CFTR: variants seen among roughly 807,000 people sequenced by gnomAD.
The protein encoded by CFTR is CF transmembrane conductance regulator, also known as cystic fibrosis transmembrane conductance regulator.
A neutral mutation model predicts 171.6 loss-of-function variants in CFTR; 181 were observed. That is an observed-to-expected ratio of 1.05 (90% CI 0.93 to 1.19). The LOEUF (loss-of-function observed/expected upper bound fraction) is 1.19. CFTR is among the 50% of genes most tolerant of loss of function. The pLI, the probability that CFTR is intolerant of heterozygous loss-of-function variation, is 0.00. For synonymous variants in CFTR, 583 were observed against 608.0 expected (o/e 0.96, Z 0.60); for missense variants, 1,968 against 1,734.7 (o/e 1.13, Z -2.39).
At chr7:117,585,359 T>C (rs1210907677) in intron 11 of CFTR, among the ~76,000 whole-genome samples, 1 of 152,138 alleles carries the variant, frequency 6.6e-6, no homozygotes, top group Non-Finnish European at 1.5e-5. Flanking sequence ...TTTTCTATAG[T>C]CAACTGTGTT....
intron 3 of CFTR, among the ~76,000 whole-genome samples, chr7:117,518,428 G>C (rs1798632311): frequency 6.9e-6 from 1 of 144,170 alleles, no homozygotes; most frequent in Admixed American, 7.0e-5. Context: ...ATATATAATA[G>C]GCTATATTAT....
Position 117,607,706 on chromosome 7 carries a change from CAT to C in CFTR, c.2988+955_2988+956del, listed in dbSNP as rs1300789640. On this transcript the variant is annotated intron_variant, in intron 18 of 26. Transcript: ENST00000003084. The stretch of plus-strand genomic sequence containing the variant: ...ATATAAAACAAAAGAAGGATTATCA[CAT>C]AAGTATGTATATATAACCAACATTG... 1.1e-4 allele frequency among the ~76,000 whole-genome samples: 17 copies of C among 152,298 alleles called. 1 individual carries two copies. Among genetic ancestry groups the C allele is most frequent in the Admixed American group, 9.8e-4 (15 of 15,292 alleles).
At chr7:117,519,754 A>ACC (rs1277514638) in intron 3 of CFTR, among the ~76,000 whole-genome samples, 1 of 151,914 alleles carries the variant, frequency 6.6e-6, no homozygotes, top group Non-Finnish European at 1.5e-5. Context: ...ATGTTTTTCT[A>ACC]CCTAGTTACT....
At chr7:117,605,485 T>G (rs1792287331) in intron 17 of CFTR, among the ~76,000 whole-genome samples, 1 of 152,186 alleles carries the variant, frequency 6.6e-6, no homozygotes, top group Non-Finnish European at 1.5e-5. Flanking sequence ...AAAAGAGTTA[T>G]GATATGTTTA....
chr7:117,666,300 T>C (rs1793375939), intron 26 of CFTR, among the ~76,000 whole-genome samples: 1 of 152,212 alleles, frequency 6.6e-6, no homozygotes. Context: ...TCACGTCATT[T>C]CTGTTCAGGC....
intron 1 of CFTR, among the ~76,000 whole-genome samples, chr7:117,488,908 A>C (rs1049444101): frequency 1.8e-4 from 28 of 152,114 alleles, no homozygotes; most frequent in Non-Finnish European, 1.5e-4. Context: ...AATAAGTTGT[A>C]ATATGGGAAC....
intron 22 of CFTR, among the ~76,000 whole-genome samples, chr7:117,637,085 G>C (rs1185863451): frequency 6.6e-6 from 1 of 152,086 alleles, no homozygotes; most frequent in Non-Finnish European, 1.5e-5. Context: ...CCAAATTGCT[G>C]GGATTATAGG....
At chr7:117,658,014 TC>T (rs1193233765) in intron 24 of CFTR, among the ~76,000 whole-genome samples, 1 of 152,188 alleles carries the variant, frequency 6.6e-6, no homozygotes, top group Admixed American at 6.6e-5. Context: ...TTTCCTTATT[TC>T]CTGGGTCCAC....
intron 11 of CFTR, among the ~76,000 whole-genome samples, chr7:117,576,966 T>G (rs1791778713): frequency 6.6e-6 from 1 of 152,150 alleles, no homozygotes; most frequent in South Asian, 2.1e-4. Flanking sequence ...CCCTTGCCTT[T>G]GAGAAGCTCA....
chr7:117,609,402 A>G lies in CFTR; in HGVS notation c.2989-1117A>G, dbSNP rs1052103215. On this transcript the variant is annotated intron_variant, in intron 18 of 26. Transcript: ENST00000003084. ...ATGTGTCACTTATGGTAACGGGTAGAGAACTGGCTCACTGAACAGCATATG... is the reference window on the plus strand; with the variant it reads ...ATGTGTCACTTATGGTAACGGGTAGGGAACTGGCTCACTGAACAGCATATG... 2.0e-5 allele frequency among the ~76,000 whole-genome samples: 3 copies of G among 152,308 alleles called. No individual in the cohort carries two copies. In the Middle Eastern group the frequency reaches 0.01, roughly 518 times the overall value.
intron 9 of CFTR, among the ~76,000 whole-genome samples, chr7:117,545,716 A>G (rs1337628312): frequency 6.6e-6 from 1 of 152,150 alleles, no homozygotes; most frequent in African/African-American, 2.4e-5. Flanking sequence ...GCATGGTTAC[A>G]CAACTAGCTA....
intron 11 of CFTR, among the ~76,000 whole-genome samples, chr7:117,575,549 GTGAA>G (rs1562903228): frequency 6.6e-6 from 1 of 152,096 alleles, no homozygotes. Flanking sequence ...TTTCTTGCAC[GTGAA>G]TGAATGAGTA....
chr7:117,623,645 G>T (rs979506660), intron 21 of CFTR, among the ~76,000 whole-genome samples: 1 of 152,168 alleles, frequency 6.6e-6, no homozygotes, highest in African/African-American at 2.4e-5. Context: ...TGAGGCTGAG[G>T]CGCTGAGGGG....
At chr7:117,558,217 A>T (rs1247575480) in intron 10 of CFTR, among the ~76,000 whole-genome samples, 1 of 152,016 alleles carries the variant, frequency 6.6e-6, no homozygotes, top group South Asian at 2.1e-4. Context: ...TATGGTTTTT[A>T]AAAAAGTCTA....
intron 22 of CFTR, among the ~76,000 whole-genome samples, chr7:117,639,179 G>A (rs540552488): frequency 1.3e-5 from 2 of 152,178 alleles, no homozygotes; most frequent in Non-Finnish European, 2.9e-5. Context: ...TGAAAAAGAT[G>A]TGGTATTACT....
chr7:117,592,464 G>A lies in CFTR; in HGVS notation c.2297G>A (p.Arg766Lys), dbSNP rs397508363. 2.5e-6 allele frequency: 4 copies of A among 1,583,968 alleles called. No individual in the cohort carries two copies. Among genetic ancestry groups the A allele is most frequent in the Non-Finnish European group, 3.4e-6 (4 of 1,165,842 alleles). ...GGCCCCACGCTTCAGGCACGAAGGAGGCAGTCTGTCCTGAACCTGATGACA... is the reference window on the plus strand; with the variant it reads ...GGCCCCACGCTTCAGGCACGAAGGAAGCAGTCTGTCCTGAACCTGATGACA... The part of the protein sequence containing the change: ...STGPTLQARR[R>K]QSVLNLMTHS... The change falls in exon 14 of 27, where the codon AGG becomes AAG. Residue 766 changes from arginine to lysine, a missense_variant. Physicochemically the swap from Arg to Lys is conservative, Grantham distance 26 (BLOSUM62 2). Coordinates refer to ENST00000003084, the MANE Select transcript of CFTR (RefSeq NM_000492.4).
rs5886870 is a variant in CFTR at position 117,648,069 on chromosome 7, G to GTATATATA, written c.3874-4767_3874-4760dup. The stretch of plus-strand genomic sequence containing the variant: ...ACATTATTTATATATATGTATATAT[G>GTATATATA]TATATATATATATGTATTTATATAT... On this transcript the variant is annotated intron_variant, in intron 23 of 26. Coordinates refer to ENST00000003084, the MANE Select transcript of CFTR (RefSeq NM_000492.4). Among the ~76,000 whole-genome samples the GTATATATA allele has an allele frequency of 2.1e-5, 3 of 144,538 alleles. No homozygotes were observed. In the Admixed American group the frequency reaches 2.1e-4, roughly 10 times the overall value. The allele number at this position is 144,538 out of a possible 152,430, so 94.8% of individuals were successfully genotyped here.
chr7:117,544,405 C>T (rs550826055), intron 9 of CFTR, among the ~76,000 whole-genome samples: 11 of 152,304 alleles, frequency 7.2e-5, no homozygotes, highest in African/African-American at 2.2e-4. Context: ...ACAAAATTCC[C>T]GTCTTTTCTC....
chr7:117,601,210 C>A (rs1044582054), intron 15 of CFTR, among the ~76,000 whole-genome samples: 12 of 151,906 alleles, frequency 7.9e-5, no homozygotes, highest in African/African-American at 2.9e-4. Flanking sequence ...TATCTAGGAT[C>A]CTGAGTAATT....
Sources: gnomAD v4.1 joint callset for allele counts (sites outside exome capture counted in the v4.1 genomes callset) on GRCh38, gnomAD v4.1.1 for gene constraint, MANE v1.5 for transcripts, NCBI Gene and HGNC (gene_info 2026-07-23, HGNC 2026-07-21) for gene names.